MARCHF1: variants seen among roughly 807,000 people sequenced by gnomAD.
The protein encoded by MARCHF1 is E3 ubiquitin-protein ligase MARCHF1.
Under a neutral mutation model 54.2 loss-of-function variants are expected in MARCHF1, and 40 were observed. The observed-to-expected ratio is 0.74, with a 90% confidence interval of 0.57 to 0.96. The LOEUF (loss-of-function observed/expected upper bound fraction) is 0.96, where lower values mean the gene tolerates loss of function less well. MARCHF1 is among the 40% of genes least tolerant of loss of function. The pLI is 0.00. For missense variants in MARCHF1, 586 were observed against 656.5 expected (o/e 0.89, Z 1.17); for synonymous variants, 236 against 236.3 (o/e 1.00, Z 0.01).
chr4:164,347,279 A>G (rs1341687105), intron 1 of MARCHF1, among the ~76,000 whole-genome samples: 1 of 152,154 alleles, frequency 6.6e-6, no homozygotes, highest in Non-Finnish European at 1.5e-5. Context: ...TCATTGTCAG[A>G]GGTGCCAGAT....
chr4:164,315,855 C>A (rs1047245042), intron 1 of MARCHF1, among the ~76,000 whole-genome samples: 2 of 152,118 alleles, frequency 1.3e-5, no homozygotes, highest in Non-Finnish European at 2.9e-5. Flanking sequence ...ATTGGCTAAA[C>A]ATCAACCTGA....
chr4:164,197,798 T>C lies in MARCHF1; in HGVS notation c.-322-86136A>G, dbSNP rs984955933. 5.0e-6 allele frequency: 8 copies of C among 1,592,520 alleles called. No individual in the cohort carries two copies. In the East Asian group the frequency reaches 9.0e-5, roughly 18 times the overall value. On this transcript the variant is annotated intron_variant, in intron 1 of 9. Coordinates refer to ENST00000514618, the MANE Select transcript of MARCHF1 (RefSeq NM_001394959.1). ...ACCCACGGCCGCACGTTTTAGGACT[T>C]TGAAGACTCAACCAGCTCCGCTCGG...
At chr4:163,618,896 T>G (rs1337144180) in intron 5 of MARCHF1, among the ~76,000 whole-genome samples, 1 of 151,810 alleles carries the variant, frequency 6.6e-6, no homozygotes, top group Non-Finnish European at 1.5e-5. Flanking sequence ...AGAAAGCACA[T>G]CTAACGTAGA....
intron 3 of MARCHF1, among the ~76,000 whole-genome samples, chr4:163,858,946 G>A (rs75605666): frequency 0.01 from 1,541 of 152,206 alleles, 17 homozygotes; most frequent in South Asian, 0.052. Context: ...TGTGTCCTGG[G>A]GGTCTTTTTA....
At chr4:164,045,092 CATA>C (rs1345506886) in intron 2 of MARCHF1, among the ~76,000 whole-genome samples, 9 of 151,610 alleles carry the variant, frequency 5.9e-5, no homozygotes, top group African/African-American at 2.2e-4. Context: ...AATACTATGG[CATA>C]ATAACTAAAA....
At chr4:163,935,069 A>G (rs374249456) in intron 3 of MARCHF1, among the ~76,000 whole-genome samples, 1 of 152,144 alleles carries the variant, frequency 6.6e-6, no homozygotes, top group African/African-American at 2.4e-5. Context: ...GTTAACAGAC[A>G]TACAAACAAC....
chr4:164,331,126 T>G (rs1394582894), intron 1 of MARCHF1, among the ~76,000 whole-genome samples: 1 of 152,172 alleles, frequency 6.6e-6, no homozygotes, highest in Admixed American at 6.5e-5. Context: ...TCTTATCTCC[T>G]TTTATTTAAA....
At chr4:163,857,745 G>C (rs1749807316) in intron 3 of MARCHF1, among the ~76,000 whole-genome samples, 1 of 152,170 alleles carries the variant, frequency 6.6e-6, no homozygotes, top group African/African-American at 2.4e-5. Flanking sequence ...ATTTTGTGGA[G>C]AATAATTTAC....
intron 1 of MARCHF1, among the ~76,000 whole-genome samples, chr4:164,112,619 T>C (rs1056478158): frequency 2.0e-5 from 3 of 151,928 alleles, no homozygotes; most frequent in Admixed American, 6.6e-5. Flanking sequence ...ATAATAGTTA[T>C]ATAAAATGAG....
intron 5 of MARCHF1, among the ~76,000 whole-genome samples, chr4:163,620,031 C>G (rs1741629664): frequency 6.6e-6 from 1 of 152,014 alleles, no homozygotes; most frequent in Admixed American, 6.6e-5. Flanking sequence ...AGCCAAATAG[C>G]TAATTTCTCT....
intron 1 of MARCHF1, among the ~76,000 whole-genome samples, chr4:164,229,099 A>C (rs1161219315): frequency 6.6e-6 from 1 of 152,212 alleles, no homozygotes. Flanking sequence ...AGCTGTCACT[A>C]CATGGCAGCT....
At chr4:163,547,694 C>G (rs1738955837) in intron 8 of MARCHF1, among the ~76,000 whole-genome samples, 1 of 152,214 alleles carries the variant, frequency 6.6e-6, no homozygotes, top group Non-Finnish European at 1.5e-5. Flanking sequence ...AGCTTCTCTT[C>G]CAGTCTATGG....
intron 2 of MARCHF1, among the ~76,000 whole-genome samples, chr4:164,074,041 C>T (rs549069191): frequency 6.6e-6 from 1 of 152,072 alleles, no homozygotes; most frequent in Non-Finnish European, 1.5e-5. Context: ...CTTGCCCTAA[C>T]AATAAGCAGT....
intron 3 of MARCHF1, among the ~76,000 whole-genome samples, chr4:163,953,064 T>C (rs779923286): frequency 5.9e-5 from 9 of 152,182 alleles, no homozygotes; most frequent in Admixed American, 1.3e-4. Flanking sequence ...TGCCATTTTT[T>C]GACCTCCATG....
At chr4:163,592,361 C>T (rs1740618959) in intron 7 of MARCHF1, among the ~76,000 whole-genome samples, 1 of 152,066 alleles carries the variant, frequency 6.6e-6, no homozygotes. Context: ...TAATTTCATG[C>T]CCTAATTTGT....
intron 2 of MARCHF1, among the ~76,000 whole-genome samples, chr4:164,005,018 C>A (rs557633926): frequency 6.6e-6 from 1 of 151,218 alleles, no homozygotes; most frequent in Admixed American, 6.6e-5. Context: ...CTGGAAAAAA[C>A]AATAATGCAG....
intron 4 of MARCHF1, among the ~76,000 whole-genome samples, chr4:163,825,258 G>T (rs1001313212): frequency 3.3e-5 from 5 of 151,996 alleles, no homozygotes; most frequent in African/African-American, 4.8e-5. Context: ...CCATGTTGCT[G>T]CAAAGAACAT....
chr4:163,857,372 T>C (rs1461649498), intron 3 of MARCHF1, among the ~76,000 whole-genome samples: 1 of 152,138 alleles, frequency 6.6e-6, no homozygotes, highest in Admixed American at 6.6e-5. Flanking sequence ...AGGTCTGGAG[T>C]ACTCATCATA....
intron 1 of MARCHF1, among the ~76,000 whole-genome samples, chr4:164,181,571 T>A (rs933500623): frequency 1.3e-5 from 2 of 152,174 alleles, no homozygotes; most frequent in East Asian, 3.8e-4. Flanking sequence ...CCTGAAATAG[T>A]ACCATTCCAA....
Sources: gnomAD v4.1 joint callset for allele counts (sites outside exome capture counted in the v4.1 genomes callset) on GRCh38, gnomAD v4.1.1 for gene constraint, MANE v1.5 for transcripts, NCBI Gene and HGNC (gene_info 2026-07-23, HGNC 2026-07-21) for gene names.